SLC25A26: variants seen among roughly 807,000 people sequenced by gnomAD.
The protein encoded by SLC25A26 is solute carrier family 25 member 26, also known as mitochondrial S-adenosylmethionine carrier protein.
SLC25A26 carries 36 observed loss-of-function variants against 37.8 expected under a neutral mutation model. That is an observed-to-expected ratio of 0.95 (90% confidence interval 0.73 to 1.26). SLC25A26 has a LOEUF of 1.26. SLC25A26 is among the 50% of genes most tolerant of loss of function. The pLI is 0.00. For synonymous variants in SLC25A26, 129 were observed against 122.5 expected, an observed-to-expected ratio of 1.05 and a Z score of -0.35; for missense variants, 390 against 331.1, an observed-to-expected ratio of 1.18 and a Z score of -1.38.
intron 1 of SLC25A26, among the ~76,000 whole-genome samples, chr3:66,158,781 A>G (rs1028121119): frequency 1.3e-5 from 2 of 152,130 alleles, no homozygotes; most frequent in Non-Finnish European, 2.9e-5. Context: ...GACAATCATG[A>G]GTGTTGTCAC....
At chr3:66,218,231 C>A (rs1002019121), upstream of SLC25A26, among the ~76,000 whole-genome samples, 1 of 152,010 alleles carries the variant, frequency 6.6e-6, no homozygotes, top group South Asian at 2.1e-4. Flanking sequence ...TATGTTTATA[C>A]CACCAGTTGA....
intron 5 of SLC25A26, among the ~76,000 whole-genome samples, chr3:66,300,257 T>TC (rs1491258024): frequency 8.4e-6 from 1 of 118,784 alleles, no homozygotes; most frequent in African/African-American, 4.8e-5. Flanking sequence ...TTTTGTTTTG[T>TC]TTTTTTTTTT....
chr3:66,367,266 A>T (rs1237880074), intron 7 of SLC25A26, among the ~76,000 whole-genome samples: 9 of 152,208 alleles, frequency 5.9e-5, no homozygotes, highest in Non-Finnish European at 1.0e-4. Context: ...CATTTTACAG[A>T]TCAGAAAACT....
At chr3:66,301,067 A>T (rs947857286) in intron 5 of SLC25A26, among the ~76,000 whole-genome samples, 3 of 152,212 alleles carry the variant, frequency 2.0e-5, no homozygotes, top group African/African-American at 7.2e-5. Flanking sequence ...TGATGATAGA[A>T]CTCATTGTGT....
intron 5 of SLC25A26, among the ~76,000 whole-genome samples, chr3:66,300,258 T>G (rs1279989135): frequency 7.6e-6 from 1 of 131,490 alleles, no homozygotes; most frequent in Non-Finnish European, 1.5e-5. Flanking sequence ...TTTGTTTTGT[T>G]TTTTTTTTTT....
chr3:66,175,490 G>T (rs2070572258), intron 1 of SLC25A26, among the ~76,000 whole-genome samples: 1 of 152,142 alleles, frequency 6.6e-6, no homozygotes, highest in Non-Finnish European at 1.5e-5. Flanking sequence ...CTCCCAAAGT[G>T]CTGGGATTAC....
chr3:66,259,393 T>A (rs1333623109), intron 3 of SLC25A26, among the ~76,000 whole-genome samples: 3 of 152,178 alleles, frequency 2.0e-5, no homozygotes, highest in Non-Finnish European at 2.9e-5. Flanking sequence ...TATATTCATT[T>A]CTTGACTGGA....
At chr3:66,281,425 T>G (rs1288254978) in intron 5 of SLC25A26, among the ~76,000 whole-genome samples, 2 of 152,244 alleles carry the variant, frequency 1.3e-5, no homozygotes, top group Non-Finnish European at 2.9e-5. Flanking sequence ...CTGAAGCATT[T>G]GTTACATTGG....
At chr3:66,193,761 C>T (rs2106796525) in intron 1 of SLC25A26, among the ~76,000 whole-genome samples, 1 of 152,264 alleles carries the variant, frequency 6.6e-6, no homozygotes, top group South Asian at 2.1e-4. Flanking sequence ...ATTGAAAAGA[C>T]AAGACCTAGA....
intron 3 of SLC25A26, among the ~76,000 whole-genome samples, chr3:66,260,847 A>G (rs2073501599): frequency 6.6e-6 from 1 of 152,212 alleles, no homozygotes; most frequent in South Asian, 2.1e-4. Flanking sequence ...TGTGACAGAG[A>G]CCATGTGGCT....
At position 66,206,147 on chromosome 3, in the gene SLC25A26, A is replaced by G. The variant is rs914948263; in HGVS notation, c.-353-14595A>G. ...TCCCATGGTGCAAGAGAGAGGGCTC[A>G]GGTAGAGAAAACAAGAGACACTAAT... On this transcript the variant is annotated intron_variant, in intron 1 of 10. Transcript: ENST00000676754. 2.0e-5 allele frequency among the ~76,000 whole-genome samples: 3 copies of G among 152,170 alleles called. No individual in the cohort carries two copies. In the South Asian group the frequency reaches 6.2e-4, roughly 32 times the overall value.
chr3:66,247,899 A>G (rs375355551), intron 3 of SLC25A26, among the ~76,000 whole-genome samples: 1 of 152,236 alleles, frequency 6.6e-6, no homozygotes, highest in Non-Finnish European at 1.5e-5. Context: ...TTTAGAGGAC[A>G]TAAATTTTCA....
intron 1 of SLC25A26, among the ~76,000 whole-genome samples, chr3:66,232,336 C>T (rs1291519752): frequency 6.6e-6 from 1 of 151,852 alleles, no homozygotes; most frequent in East Asian, 1.9e-4. Flanking sequence ...TTGCCTGGTC[C>T]TGTCTTTTGC....
intron 5 of SLC25A26, among the ~76,000 whole-genome samples, chr3:66,279,002 T>G (rs782734): frequency 0.3 from 45,603 of 151,788 alleles, 8,428 homozygotes; most frequent in African/African-American, 0.51. Flanking sequence ...GTATTTTTTT[T>G]TGTGTGTGGG....
intron 1 of SLC25A26, among the ~76,000 whole-genome samples, chr3:66,148,591 G>C (rs2070153649): frequency 6.6e-6 from 1 of 152,240 alleles, no homozygotes; most frequent in Non-Finnish European, 1.5e-5. Flanking sequence ...GAATGTGTTG[G>C]ATAAATGGAG....
chr3:66,372,004 A>G (rs1304629690), intron 9 of SLC25A26, among the ~76,000 whole-genome samples: 1 of 152,184 alleles, frequency 6.6e-6, no homozygotes, highest in Non-Finnish European at 1.5e-5. Flanking sequence ...GAGGCTGAGC[A>G]ATCGCTTGAG....
At chr3:66,153,140 G>A (rs550798803) in intron 1 of SLC25A26, among the ~76,000 whole-genome samples, 2 of 152,162 alleles carry the variant, frequency 1.3e-5, no homozygotes, top group South Asian at 4.2e-4. Flanking sequence ...GCTATTTTTG[G>A]TCGTCACGAC....
At chr3:66,376,733 C>CT (rs1700670124) in intron 9 of SLC25A26, among the ~76,000 whole-genome samples, 1 of 152,184 alleles carries the variant, frequency 6.6e-6, no homozygotes, top group Admixed American at 6.5e-5. Flanking sequence ...TGAAATATCT[C>CT]TGAGTCATGC....
intron 5 of SLC25A26, among the ~76,000 whole-genome samples, chr3:66,311,848 G>C (rs1194987758): frequency 6.6e-6 from 1 of 152,130 alleles, no homozygotes; most frequent in Non-Finnish European, 1.5e-5. Context: ...CTTGCTGCCT[G>C]CTCCTTCCTC....
Sources: allele counts gnomAD v4.1 joint callset (sites outside exome capture counted in the v4.1 genomes callset), GRCh38; gene constraint gnomAD v4.1.1; transcripts MANE v1.5; gene names NCBI Gene and HGNC (gene_info 2026-07-23, HGNC 2026-07-21).